The following EYA4 variants were observed in gnomAD, a reference collection of about 807,000 sequenced individuals.
EYA4 encodes protein phosphatase EYA4.
A neutral mutation model predicts 87.9 loss-of-function variants in EYA4; 31 were observed. That is an observed-to-expected ratio of 0.35 (90% CI 0.27 to 0.48). The LOEUF (loss-of-function observed/expected upper bound fraction) is 0.48. EYA4 is among the 20% of genes least tolerant of loss of function. The pLI, the probability that EYA4 is intolerant of heterozygous loss-of-function variation, is 0.99. For missense variants in EYA4, 678 were observed against 761.4 expected (o/e 0.89, Z 1.29); for synonymous variants, 263 against 270.6 (o/e 0.97, Z 0.28).
chr6:133,525,260 C>T lies in EYA4; in HGVS notation c.1839+6C>T, dbSNP rs1554276050. The T allele has an allele frequency of 1.2e-6, 2 of 1,608,840 alleles. No homozygotes were observed. Among genetic ancestry groups the T allele is most frequent in the Non-Finnish European group, 8.5e-7 (1 of 1,175,452 alleles). ...AAGAACAGGCAGCAAAAAAGGTAAC[C>T]TGTCTCAAACAATGTCGGTGTGATA... On this transcript the variant is annotated splice_donor_region_variant and intron_variant, in intron 19 of 19. Coordinates refer to ENST00000355286, the MANE Select transcript of EYA4 (RefSeq NM_004100.5).
chr6:133,447,555 A>G (rs1358148372), intron 4 of EYA4, among the ~76,000 whole-genome samples: 2 of 152,200 alleles, frequency 1.3e-5, no homozygotes, highest in Non-Finnish European at 2.9e-5. Flanking sequence ...TTTAATTTAG[A>G]TATTAGCATT....
chr6:133,498,360 T>C (rs530891389), intron 13 of EYA4, among the ~76,000 whole-genome samples: 204 of 152,288 alleles, frequency 1.3e-3, no homozygotes, highest in African/African-American at 4.5e-3. Context: ...GTCTTGTATA[T>C]AAAATAAGGA....
In EYA4 at chr6:133,379,805, T is replaced by G. The variant is rs528180281; in HGVS notation, c.34-2587T>G. Among the ~76,000 whole-genome samples, 3 of 152,242 alleles carry G rather than the reference T, an allele frequency of 2.0e-5. No individual in the cohort carries two copies. In the East Asian group the frequency reaches 5.8e-4, roughly 29 times the overall value. On this transcript the variant is annotated intron_variant, in intron 2 of 19. Coordinates refer to ENST00000355286, the MANE Select transcript of EYA4 (RefSeq NM_004100.5). Reference sequence around the variant, plus strand: ...GCCTTCATGGAACTTCTACTATCCGTTTTGTTGCATTAGGCTTTTCCCAAC... The same window carrying G: ...GCCTTCATGGAACTTCTACTATCCGGTTTGTTGCATTAGGCTTTTCCCAAC...
chr6:133,298,281 A>G lies in EYA4; in HGVS notation c.33+23468A>G, dbSNP rs76344602. 4.6e-5 allele frequency among the ~76,000 whole-genome samples: 7 copies of G among 152,236 alleles called. No individual in the cohort carries two copies. In the East Asian group the frequency reaches 1.4e-3, roughly 30 times the overall value. On this transcript the variant is annotated intron_variant, in intron 2 of 19. Coordinates refer to ENST00000355286, the MANE Select transcript of EYA4 (RefSeq NM_004100.5). ...GAATAAGATGTCCCAGGCTGGCTTT[A>G]TACTTTGTCTGCTCCAGATCTGGAA... is the stretch of plus-strand genomic sequence containing the variant.
intron 14 of EYA4, chr6:133,507,363 T>C (rs753352502): frequency 5.7e-5 from 7 of 123,122 alleles, no homozygotes; most frequent in African/African-American, 1.9e-4. Flanking sequence ...AGCCAAGTTA[T>C]TGAGTTACTT....
Position 133,428,911 on chromosome 6 carries a change from C to CTTTTTTTTTTTTTTTTTTTTTTTTTTTTT in EYA4, c.84-17716_84-17688dup, listed in dbSNP as rs58727159. On this transcript the variant is annotated intron_variant, in intron 3 of 19. Coordinates refer to ENST00000355286, the MANE Select transcript of EYA4 (RefSeq NM_004100.5). ...CTGGGGCTGAGGGTAGATTTAGCTT[C>CTTTTTTTTTTTTTTTTTTTTTTTTTTTTT]TTTTTTTTTTTTTTTTTTTTTTTTT... Among the ~76,000 whole-genome samples, 10 of 48,230 alleles carry CTTTTTTTTTTTTTTTTTTTTTTTTTTTTT rather than the reference C, an allele frequency of 2.1e-4. 4 individuals carry two copies. The highest frequency in any genetic ancestry group is 4.0e-4 in the Admixed American group (1 of 2,500). The allele number at this position is 48,230 out of a possible 152,430, so 31.6% of individuals were successfully genotyped here. A position where few individuals can be genotyped will look rare whatever the true frequency, so the allele number is the denominator to read the frequency against.
intron 2 of EYA4, among the ~76,000 whole-genome samples, chr6:133,302,683 A>G (rs1245099513): frequency 1.3e-5 from 2 of 152,226 alleles, no homozygotes; most frequent in African/African-American, 4.8e-5. Context: ...TAAGTCTCAA[A>G]TTGGTATAAG....
intron 3 of EYA4, 83 bp downstream of exon 3, chr6:133,382,524 T>C (rs1786313025): frequency 2.1e-6 from 2 of 942,524 alleles, no homozygotes; most frequent in Middle Eastern, 2.1e-4. Flanking sequence ...TGAGACACAA[T>C]TGTGATTTGA....
At position 133,394,009 on chromosome 6, in the gene EYA4, A is replaced by G. The variant is rs1787538350; in HGVS notation, c.83+11568A>G. On this transcript the variant is annotated intron_variant, in intron 3 of 19. Coordinates refer to ENST00000355286, the MANE Select transcript of EYA4 (RefSeq NM_004100.5). ...GATTCTGCTTATTATCTTACATTTAATCATCACATTTCAGTTGTCTTAGCA... is the reference window on the plus strand; with the variant it reads ...GATTCTGCTTATTATCTTACATTTAGTCATCACATTTCAGTTGTCTTAGCA... Among the ~76,000 whole-genome samples, 3 of 152,322 alleles carry G rather than the reference A, an allele frequency of 2.0e-5. No homozygotes were observed. In the South Asian group the frequency reaches 6.2e-4, roughly 32 times the overall value.
chr6:133,377,105 T>C (rs921852955), intron 2 of EYA4, among the ~76,000 whole-genome samples: 3 of 152,012 alleles, frequency 2.0e-5, no homozygotes, highest in African/African-American at 7.2e-5. Flanking sequence ...GAGGAGGTGT[T>C]TGTTGGGCAG....
intron 3 of EYA4, among the ~76,000 whole-genome samples, chr6:133,441,418 C>T (rs1369361943): frequency 1.3e-5 from 2 of 152,110 alleles, no homozygotes; most frequent in African/African-American, 2.4e-5. Flanking sequence ...AAATGGCACT[C>T]GAATATAAAA....
At chr6:133,374,572 G>A (rs529797210) in intron 2 of EYA4, among the ~76,000 whole-genome samples, 1 of 152,176 alleles carries the variant, frequency 6.6e-6, no homozygotes, top group East Asian at 1.9e-4. Flanking sequence ...AGCAGTTAAA[G>A]AAGGGTTATG....
At chr6:133,362,115 G>A (rs867733235) in intron 2 of EYA4, among the ~76,000 whole-genome samples, 2 of 152,216 alleles carry the variant, frequency 1.3e-5, no homozygotes, top group Non-Finnish European at 1.5e-5. Context: ...TGTGGGGTAT[G>A]TAATACTTGT....
intron 2 of EYA4, among the ~76,000 whole-genome samples, chr6:133,351,064 A>T (rs570254444): frequency 6.7e-6 from 1 of 150,028 alleles, no homozygotes; most frequent in African/African-American, 2.5e-5. Flanking sequence ...TCTGGGTTTT[A>T]TTGTCTTTTT....
intron 3 of EYA4, among the ~76,000 whole-genome samples, chr6:133,403,647 T>C (rs1340194384): frequency 6.6e-6 from 1 of 152,240 alleles, no homozygotes; most frequent in Non-Finnish European, 1.5e-5. Context: ...TTTTTCATAA[T>C]TGAGCTTATG....
intron 2 of EYA4, among the ~76,000 whole-genome samples, chr6:133,347,998 G>C (rs1174706330): frequency 6.6e-6 from 1 of 152,200 alleles, no homozygotes; most frequent in East Asian, 1.9e-4. Flanking sequence ...AGGTCAAAGA[G>C]TAGGTCAGAA....
intron 3 of EYA4, among the ~76,000 whole-genome samples, chr6:133,395,500 C>T: frequency 6.6e-6 from 1 of 152,202 alleles, no homozygotes; most frequent in East Asian, 1.9e-4. Flanking sequence ...TGGCTCCCGC[C>T]TGTAATCCCA....
chr6:133,523,017 T>C (rs750476627), intron 17 of EYA4, 39 bp from the exon 18 acceptor site: 1 of 1,543,298 alleles, frequency 6.5e-7, no homozygotes, highest in South Asian at 1.1e-5. Flanking sequence ...AGTTATTTAG[T>C]ATTAGAAAAC....
At chr6:133,441,402 C>T (rs565527770) in intron 3 of EYA4, among the ~76,000 whole-genome samples, 2 of 152,246 alleles carry the variant, frequency 1.3e-5, no homozygotes, top group Non-Finnish European at 1.5e-5. Flanking sequence ...TTCAATGCTG[C>T]AAAAGAAATG....
Sources: allele counts gnomAD v4.1 joint callset (sites outside exome capture counted in the v4.1 genomes callset), GRCh38; gene constraint gnomAD v4.1.1; transcripts MANE v1.5; gene names NCBI Gene and HGNC (gene_info 2026-07-23, HGNC 2026-07-21).